The following CELF2 variants were observed in gnomAD, a reference collection of about 807,000 sequenced individuals.
CELF2 encodes CUG triplet repeat RNA-binding protein 2.
CELF2 carries 8 observed loss-of-function variants against 62.6 expected under a neutral mutation model. The ratio of observed to expected loss-of-function variants is 0.13; its 90% CI spans 0.07 to 0.23. The LOEUF (loss-of-function observed/expected upper bound fraction) is 0.23. Among genes scored for constraint, CELF2 ranks in the 10% least tolerant of loss-of-function variants. The pLI is 1.00. For synonymous variants in CELF2, 258 were observed against 250.0 expected, an observed-to-expected ratio of 1.03 and a Z score of -0.30; for missense variants, 333 against 671.0, an observed-to-expected ratio of 0.50 and a Z score of 5.56.
chr10:10,978,152 A>G (rs996483682), intron 2 of CELF2, among the ~76,000 whole-genome samples: 2 of 152,166 alleles, frequency 1.3e-5, no homozygotes, highest in East Asian at 3.9e-4. Flanking sequence ...TCATCCTGAA[A>G]TTACGTGATT....
chr10:10,799,171 G>T (rs1441638297), intron 1 of CELF2, among the ~76,000 whole-genome samples: 1 of 152,158 alleles, frequency 6.6e-6, no homozygotes, highest in Non-Finnish European at 1.5e-5. Flanking sequence ...TCAACTTTCT[G>T]GGACTTCAGA....
intron 1 of CELF2, among the ~76,000 whole-genome samples, chr10:11,044,718 T>G (rs928914110): frequency 6.6e-6 from 1 of 152,212 alleles, no homozygotes; most frequent in Admixed American, 6.5e-5. Flanking sequence ...GGATATACTA[T>G]TGTAATATTA....
At chr10:11,112,315 C>G (rs539108666) in intron 1 of CELF2, among the ~76,000 whole-genome samples, 1 of 152,164 alleles carries the variant, frequency 6.6e-6, no homozygotes, top group Admixed American at 6.5e-5. Flanking sequence ...CCATCAAGAT[C>G]GCATTCGCTA....
chr10:10,750,342 C>T, the CELF2 span, among the ~76,000 whole-genome samples: 3 of 151,572 alleles, frequency 2.0e-5, no homozygotes, highest in African/African-American at 7.3e-5. Flanking sequence ...AAGGATCAGT[C>T]CTACTATTTT....
the CELF2 span, chr10:10,788,954 T>G: frequency 6.6e-6 from 1 of 152,194 alleles, no homozygotes; most frequent in Non-Finnish European, 1.5e-5. Context: ...TTGCCCTTTG[T>G]TGCTACTGAG....
At chr10:10,953,763 G>A (rs2048573867) in intron 2 of CELF2, among the ~76,000 whole-genome samples, 1 of 151,264 alleles carries the variant, frequency 6.6e-6, no homozygotes, top group Non-Finnish European at 1.5e-5. Flanking sequence ...GCTACATTTT[G>A]AGAAATTCTG....
At chr10:10,745,574 C>T in the CELF2 span, among the ~76,000 whole-genome samples, 32 of 152,306 alleles carry the variant, frequency 2.1e-4, no homozygotes, top group Non-Finnish European at 4.6e-4. Flanking sequence ...TCCTAACTGG[C>T]CTGCTTGCCA....
At chr10:10,832,470 C>T (rs377061672) in intron 1 of CELF2, among the ~76,000 whole-genome samples, 2 of 152,056 alleles carry the variant, frequency 1.3e-5, no homozygotes, top group Non-Finnish European at 2.9e-5. Context: ...TTTTTAAAAG[C>T]CAGGAAATAG....
Position 11,082,901 on chromosome 10 carries a change from G to A in CELF2, c.74+64738G>A, listed in dbSNP as rs183216296. On this transcript the variant is annotated intron_variant, in intron 1 of 12. Coordinates refer to ENST00000633077, the MANE Select transcript of CELF2 (RefSeq NM_001326342.2). ...TCCTTCAGATAGTGTGTGTGAAACA[G>A]CCCCTTGGTGTGTAATGATTAGCTG... Among the ~76,000 whole-genome samples the A allele has an allele frequency of 2.6e-5, 4 of 152,344 alleles. No individual in the cohort carries two copies. In the East Asian group the frequency reaches 5.8e-4, roughly 22 times the overall value.
chr10:11,199,493 C>G (rs187782618), intron 2 of CELF2, among the ~76,000 whole-genome samples: 7 of 152,142 alleles, frequency 4.6e-5, no homozygotes, highest in African/African-American at 1.4e-4. Context: ...CTGTGTAGAG[C>G]CTGAATCAGA....
intron 3 of CELF2, among the ~76,000 whole-genome samples, chr10:11,230,037 A>G (rs2068062891): frequency 6.6e-6 from 1 of 152,192 alleles, no homozygotes; most frequent in Admixed American, 6.5e-5. Context: ...ATGTACAGGC[A>G]CTGACTCTGA....
chr10:11,325,797 C>A, intron 11 of CELF2, 39 bp from the exon 12 acceptor site: 2 of 1,573,426 alleles, frequency 1.3e-6, no homozygotes, highest in Non-Finnish European at 1.7e-6. Context: ...AACTAAGACT[C>A]AAGGGATACC....
intron 1 of CELF2, among the ~76,000 whole-genome samples, chr10:11,032,808 A>T (rs1428246007): frequency 6.6e-6 from 1 of 152,218 alleles, no homozygotes; most frequent in Non-Finnish European, 1.5e-5. Flanking sequence ...TGACAGGATG[A>T]TATGTCACCA....
At chr10:10,800,898 C>G (rs944561514) in intron 1 of CELF2, among the ~76,000 whole-genome samples, 3 of 151,940 alleles carry the variant, frequency 2.0e-5, no homozygotes, top group African/African-American at 7.3e-5. Context: ...AAAACTGAAA[C>G]ACTTCCTACA....
intron 1 of CELF2, among the ~76,000 whole-genome samples, chr10:10,832,281 A>AAAATAT (rs2057931111): frequency 6.6e-6 from 1 of 151,960 alleles, no homozygotes; most frequent in Non-Finnish European, 1.5e-5. Flanking sequence ...AAAAAAAATA[A>AAAATAT]AAATAAATAA....
At chr10:10,939,918 C>T (rs1485587847) in intron 2 of CELF2, among the ~76,000 whole-genome samples, 2 of 152,098 alleles carry the variant, frequency 1.3e-5, no homozygotes, top group African/African-American at 4.8e-5. Context: ...CGCACCACTG[C>T]ACTCTAGCCT....
At chr10:10,920,406 T>G (rs913859799) in intron 2 of CELF2, among the ~76,000 whole-genome samples, 7 of 152,198 alleles carry the variant, frequency 4.6e-5, no homozygotes, top group Non-Finnish European at 7.3e-5. Flanking sequence ...ACTTAGAGAT[T>G]TATGAAAGAA....
At chr10:11,099,887 A>C (rs6602477) in intron 1 of CELF2, among the ~76,000 whole-genome samples, 47,354 of 102,942 alleles carry the variant, frequency 0.46, 8,397 homozygotes, top group Non-Finnish European at 0.53. Context: ...ACAACAACAA[A>C]AAAAAAAAAA....
chr10:10,500,323 A>G, the CELF2 span, among the ~76,000 whole-genome samples: 2 of 152,194 alleles, frequency 1.3e-5, no homozygotes, highest in Non-Finnish European at 2.9e-5. Context: ...ACATCTTTCA[A>G]AACTATATGA....
Sources: allele counts gnomAD v4.1 joint callset (sites outside exome capture counted in the v4.1 genomes callset), GRCh38; gene constraint gnomAD v4.1.1; transcripts MANE v1.5; gene names NCBI Gene and HGNC (gene_info 2026-07-23, HGNC 2026-07-21).